SVBP: variants seen among roughly 807,000 people sequenced by gnomAD.
The protein encoded by SVBP is small vasohibin binding protein, also known as small vasohibin-binding protein.
In SVBP, 9 loss-of-function variants were observed where a neutral mutation model predicts 9.2. That is an observed-to-expected ratio of 0.98 (90% CI 0.59 to 1.71). The LOEUF (loss-of-function observed/expected upper bound fraction) is 1.71, where lower values mean the gene tolerates loss of function less well. Ranked by LOEUF, SVBP falls within the 40% of genes most tolerant of loss-of-function variation. The probability of loss-of-function intolerance (pLI) is 0.00; values close to 1 mark genes in which losing one functional copy is unlikely to be tolerated. For missense variants in SVBP, 63 were observed against 73.2 expected, an observed-to-expected ratio of 0.86 and a Z score of 0.51; for synonymous variants, 27 against 23.9, an observed-to-expected ratio of 1.13 and a Z score of -0.37.
chr1:42,810,131 C>CACACACACACACACACATACAT (rs2124244676), intron 2 of SVBP, among the ~76,000 whole-genome samples: 1 of 149,712 alleles, frequency 6.7e-6, no homozygotes, highest in South Asian at 2.2e-4. Flanking sequence ...TACATACACA[C>CACACACACACACACACATACAT]ACACACACAC....
At chr1:42,812,654 GA>G (rs1269358207) in intron 2 of SVBP, among the ~76,000 whole-genome samples, 3 of 152,112 alleles carry the variant, frequency 2.0e-5, no homozygotes, top group Admixed American at 1.3e-4. Flanking sequence ...AGTTTATCTG[GA>G]AAAACTTTAC....
chr1:42,817,252 G>C lies in SVBP; in HGVS notation c.-99C>G, dbSNP rs1276401490. On this transcript the variant is annotated 5_prime_UTR_variant, in exon 1 of 3. Coordinates refer to ENST00000372521, the MANE Select transcript of SVBP (RefSeq NM_199342.4). Reference sequence around the variant, plus strand: ...CGAGTCGCAGACAACGCCTCCGGGAGGGTAATCCTCGCCTTCCCCCGACCA... The same window carrying C: ...CGAGTCGCAGACAACGCCTCCGGGACGGTAATCCTCGCCTTCCCCCGACCA... 3.8e-5 allele frequency: 47 copies of C among 1,252,252 alleles called. No homozygotes were observed. The highest frequency in any genetic ancestry group is 4.6e-5 in the Non-Finnish European group (45 of 971,890). The allele number at this position is 1,252,252 out of a possible 1,614,324, so 77.6% of individuals were successfully genotyped here.
chr1:42,808,629 C>CTA (rs1654017964), intron 2 of SVBP, among the ~76,000 whole-genome samples: 1 of 146,774 alleles, frequency 6.8e-6, no homozygotes, highest in South Asian at 2.1e-4. Context: ...TAATATAAGC[C>CTA]TATATATGTA....
intron 2 of SVBP, among the ~76,000 whole-genome samples, chr1:42,814,090 CTTTTTT>C (rs548637240): frequency 6.9e-6 from 1 of 144,508 alleles, no homozygotes; most frequent in Non-Finnish European, 1.5e-5. Context: ...AGTTCTTTTT[CTTTTTT>C]TTTTGTTTTT....
chr1:42,813,821 A>T, intron 2 of SVBP: 1 of 451,712 alleles, frequency 2.2e-6, no homozygotes, highest in Non-Finnish European at 4.4e-6. Flanking sequence ...TTGTTCACCA[A>T]AGCACAATGC....
Position 42,817,321 on chromosome 1 carries a change from G to A in SVBP, c.-168C>T, listed in dbSNP as rs1389104531. Reference sequence around the variant, plus strand: ...GCCCACCGCCCCTCGTCCTGGGCGGGGCCGCGCGCCGGGGGGAGGGGCGCA... The same window carrying A: ...GCCCACCGCCCCTCGTCCTGGGCGGAGCCGCGCGCCGGGGGGAGGGGCGCA... On this transcript the variant is annotated 5_prime_UTR_variant, in exon 1 of 3. Transcript: ENST00000372521. 1.8e-6 allele frequency: 2 copies of A among 1,125,916 alleles called. No homozygotes were observed. The highest frequency in any genetic ancestry group is 2.3e-6 in the Non-Finnish European group (2 of 876,530). 69.7% of individuals were successfully genotyped at this position (1,125,916 alleles called of 1,614,324 possible).
intron 2 of SVBP, among the ~76,000 whole-genome samples, chr1:42,812,738 TTAG>T (rs1654107576): frequency 6.6e-6 from 1 of 152,258 alleles, no homozygotes. Flanking sequence ...TTAAAACCTT[TTAG>T]TATGCTTTTG....
At chr1:42,811,287 C>G (rs1654078936) in intron 2 of SVBP, among the ~76,000 whole-genome samples, 2 of 152,180 alleles carry the variant, frequency 1.3e-5, no homozygotes, top group South Asian at 4.1e-4. Context: ...ACTCACATCC[C>G]TTTGAAGTGA....
intron 2 of SVBP, chr1:42,813,721 G>A: frequency 1.9e-6 from 1 of 531,752 alleles, no homozygotes; most frequent in Non-Finnish European, 3.9e-6. Flanking sequence ...GAGCTCCCTT[G>A]GCTATATCAC....
intron 2 of SVBP, chr1:42,808,909 C>A (rs1365186566): frequency 1.3e-5 from 2 of 152,202 alleles, no homozygotes; most frequent in African/African-American, 4.8e-5. Flanking sequence ...GTTGGCCAGA[C>A]TGGTCTCCAA....
intron 2 of SVBP, chr1:42,813,650 T>C (rs1418357767): frequency 3.8e-6 from 2 of 529,570 alleles, no homozygotes; most frequent in Non-Finnish European, 7.7e-6. Context: ...GGCAACTGGT[T>C]CTCCATTTCC....
chr1:42,816,051 C>T lies in SVBP; in HGVS notation c.114+380G>A, dbSNP rs1429589378. 2.0e-5 allele frequency among the ~76,000 whole-genome samples: 3 copies of T among 152,190 alleles called. No homozygotes were observed. The East Asian group carries it at 5.8e-4, about 29-fold the overall frequency. ...CACACTGGTGAGTTTAAAGCTTGGG[C>T]CTCTACCTGGCATGAGTAGCTGCTT... On this transcript the variant is annotated intron_variant, in intron 2 of 2. Transcript: ENST00000372521.
intron 2 of SVBP, among the ~76,000 whole-genome samples, chr1:42,809,790 A>C (rs1012311594): frequency 6.6e-6 from 1 of 152,236 alleles, no homozygotes; most frequent in African/African-American, 2.4e-5. Context: ...AAAAATAAAT[A>C]AACTTGAATG....
Position 42,808,669 on chromosome 1 carries a change from ATATG to A in SVBP, c.115-1173_115-1170del, listed in dbSNP as rs558632339. 8.0e-5 allele frequency among the ~76,000 whole-genome samples: 12 copies of A among 150,210 alleles called. No individual in the cohort carries two copies. The South Asian group carries it at 2.5e-3, about 31-fold the overall frequency. Reference sequence around the variant, plus strand: ...TATATAGCTCATATATATAAGCTATATATGTATGTATATATCGCATATATATATG... The same window carrying A: ...TATATAGCTCATATATATAAGCTATATATGTATATATCGCATATATATATG... On this transcript the variant is annotated intron_variant, in intron 2 of 2. Coordinates refer to ENST00000372521, the MANE Select transcript of SVBP (RefSeq NM_199342.4).
chr1:42,807,733 A>C (rs1427079262), intron 2 of SVBP, among the ~76,000 whole-genome samples: 1 of 152,120 alleles, frequency 6.6e-6, no homozygotes, highest in Non-Finnish European at 1.5e-5. Flanking sequence ...GGATCCCTTA[A>C]GAAGAAAACA....
intron 2 of SVBP, chr1:42,813,826 C>T (rs1233846852): frequency 4.7e-6 from 2 of 426,004 alleles, no homozygotes; most frequent in African/African-American, 4.1e-5. Context: ...CACCAAAGCA[C>T]AATGCAGTCA....
chr1:42,813,960 T>A lies in SVBP; in HGVS notation c.114+2471A>T, dbSNP rs904341378. 4 of 190,300 alleles carry A rather than the reference T, an allele frequency of 2.1e-5. No individual in the cohort carries two copies. The Admixed American group carries it at 2.3e-4, about 11-fold the overall frequency. 11.8% of individuals were successfully genotyped at this position (190,300 alleles called of 1,614,324 possible). A position where few individuals can be genotyped will look rare whatever the true frequency, so the allele number is the denominator to read the frequency against. ...ATTAACTTCAAATGCACTAGTAAGT[T>A]TACTTATTATGTTTACTGCCTCCCC... On this transcript the variant is annotated intron_variant, in intron 2 of 2. Coordinates refer to ENST00000372521, the MANE Select transcript of SVBP (RefSeq NM_199342.4).
At chr1:42,813,230 C>A (rs1557599230) in intron 2 of SVBP, among the ~76,000 whole-genome samples, 1 of 152,108 alleles carries the variant, frequency 6.6e-6, no homozygotes, top group African/African-American at 2.4e-5. Context: ...TTAAATAAAT[C>A]TTTTCAAAAT....
intron 2 of SVBP, among the ~76,000 whole-genome samples, chr1:42,810,867 C>G (rs977615843): frequency 4.6e-5 from 7 of 152,130 alleles, no homozygotes; most frequent in African/African-American, 1.7e-4. Flanking sequence ...AGGATAGGCG[C>G]GGCGGCTCAC....
Sources: gnomAD v4.1 joint callset for allele counts (sites outside exome capture counted in the v4.1 genomes callset) on GRCh38, gnomAD v4.1.1 for gene constraint, MANE v1.5 for transcripts, NCBI Gene and HGNC (gene_info 2026-07-23, HGNC 2026-07-21) for gene names.